Variants in TAFA5 observed in about 807,000 individuals in gnomAD.
TAFA5 encodes the protein TAFA chemokine like family member 5.
A neutral mutation model predicts 15.3 loss-of-function variants in TAFA5; 6 were observed. The ratio of observed to expected loss-of-function variants is 0.39; its 90% CI spans 0.21 to 0.77. TAFA5 has a LOEUF of 0.77. Ranked by LOEUF, TAFA5 falls within the 30% of genes least tolerant of loss-of-function variation. The probability of loss-of-function intolerance (pLI) is 0.41; values close to 1 mark genes in which losing one functional copy is unlikely to be tolerated. For missense variants in TAFA5, 161 were observed against 193.1 expected (o/e 0.83, Z 0.98); for synonymous variants, 103 against 80.7 (o/e 1.28, Z -1.48).
intron 1 of TAFA5, among the ~76,000 whole-genome samples, chr22:48,494,963 G>A (rs1264738177): frequency 6.6e-6 from 1 of 152,246 alleles, no homozygotes; most frequent in Non-Finnish European, 1.5e-5. Context: ...AACTAGGCGA[G>A]CGGGACTCCT....
At chr22:48,726,040 A>C (rs147965822) in intron 3 of TAFA5, among the ~76,000 whole-genome samples, 140 of 152,368 alleles carry the variant, frequency 9.2e-4, no homozygotes, top group African/African-American at 3.3e-3. Flanking sequence ...TTAAGAAAAT[A>C]GAAAGACAAG....
At chr22:48,542,907 T>C (rs2147121432) in intron 1 of TAFA5, among the ~76,000 whole-genome samples, 1 of 150,702 alleles carries the variant, frequency 6.6e-6, no homozygotes, top group Admixed American at 6.6e-5. Flanking sequence ...GTGGTGTGTA[T>C]AGTGATATGT....
rs765368811 is a variant in TAFA5, at chr22:48,749,812, C to T, written c.391-27C>T. On this transcript the variant is annotated intron_variant, in intron 3 of 3. Transcript: ENST00000402357. ...CCCTGGGCAGCGTCTGCAGGAGGCT[C>T]ACCCTCTCTCTCTCTTTGCTCCTCA... The T allele has an allele frequency of 3.5e-5, 55 of 1,560,538 alleles. No homozygotes were observed. The South Asian group carries it at 6.3e-4, about 18-fold the overall frequency.
chr22:48,519,784 G>A (rs1459734574), intron 1 of TAFA5, among the ~76,000 whole-genome samples: 3 of 152,108 alleles, frequency 2.0e-5, no homozygotes, highest in Admixed American at 1.3e-4. Flanking sequence ...AGCAGGTCCC[G>A]TACCTCTTGC....
chr22:48,644,481 C>T (rs1395981897), intron 1 of TAFA5, among the ~76,000 whole-genome samples: 1 of 152,212 alleles, frequency 6.6e-6, no homozygotes, highest in African/African-American at 2.4e-5. Context: ...GGTCTGGTGC[C>T]CACTAGAGTC....
chr22:48,492,587 C>T (rs1292343371), intron 1 of TAFA5, among the ~76,000 whole-genome samples: 2 of 152,128 alleles, frequency 1.3e-5, no homozygotes, highest in Admixed American at 1.3e-4. Context: ...ACCTGCAGTC[C>T]ACCAATTAGG....
intron 3 of TAFA5, among the ~76,000 whole-genome samples, chr22:48,721,833 G>A (rs982666581): frequency 9.2e-5 from 14 of 152,144 alleles, no homozygotes; most frequent in Non-Finnish European, 1.9e-4. Flanking sequence ...GCCAAGCGTG[G>A]TGGCACGCAC....
At position 48,725,568 on chromosome 22, in the gene TAFA5, G is replaced by T. The variant is rs151086774; in HGVS notation, c.390+17724G>T. ...CCTGGAACGAAGGCAGACATCCAAG[G>T]GTTTTCTGAATGAAATAGAAGATGG... is the stretch of plus-strand genomic sequence containing the variant. On this transcript the variant is annotated intron_variant, in intron 3 of 3. Coordinates refer to ENST00000402357, the MANE Select transcript of TAFA5 (RefSeq NM_001082967.3). Among the ~76,000 whole-genome samples, 14 of 152,156 alleles carry T rather than the reference G, an allele frequency of 9.2e-5. No homozygotes were observed. The South Asian group carries it at 2.9e-3, about 32-fold the overall frequency.
At chr22:48,662,592 C>T (rs12159542) in intron 2 of TAFA5, among the ~76,000 whole-genome samples, 3 of 152,284 alleles carry the variant, frequency 2.0e-5, no homozygotes, top group African/African-American at 7.2e-5. Context: ...GCTCTGTGTC[C>T]ACCCCAGGAG....
In TAFA5 at chr22:48,700,661, G is replaced by C. The variant is rs571206056; in HGVS notation, c.263-7056G>C. The stretch of plus-strand genomic sequence containing the variant: ...CGTGGATGTGCATGTTTGCCTGTGG[G>C]CACCTGTGTGCACGCACTCCAGGGG... On this transcript the variant is annotated intron_variant, in intron 2 of 3. Transcript: ENST00000402357. 1.5e-4 allele frequency among the ~76,000 whole-genome samples: 23 copies of C among 152,160 alleles called. 1 individual carries two copies. Among genetic ancestry groups the C allele is most frequent in the Non-Finnish European group, 2.8e-4 (19 of 68,028 alleles).
At position 48,505,979 on chromosome 22, in the gene TAFA5, G is replaced by A. The variant is rs143235601; in HGVS notation, c.112+16275G>A. 5.0e-3 allele frequency among the ~76,000 whole-genome samples: 767 copies of A among 152,304 alleles called. 3 individuals carry two copies. Among genetic ancestry groups the A allele is most frequent in the African/African-American group, 0.017 (720 of 41,562 alleles). On this transcript the variant is annotated intron_variant, in intron 1 of 3. Coordinates refer to ENST00000402357, the MANE Select transcript of TAFA5 (RefSeq NM_001082967.3). ...CTCTAATGGGACAGGACATTCCAGGGTCTCAGAACTCACTCCCAGGAGCCA... is the reference window on the plus strand; with the variant it reads ...CTCTAATGGGACAGGACATTCCAGGATCTCAGAACTCACTCCCAGGAGCCA...
At chr22:48,618,886 C>A (rs949587827) in intron 1 of TAFA5, among the ~76,000 whole-genome samples, 2 of 152,192 alleles carry the variant, frequency 1.3e-5, no homozygotes, top group African/African-American at 4.8e-5. Context: ...AGGCCCCCCT[C>A]GCCTGCACAG....
At chr22:48,707,567 C>T (rs544968595) in intron 2 of TAFA5, 150 bp from the exon 3 acceptor site, 13 of 846,220 alleles carry the variant, frequency 1.5e-5, no homozygotes, top group East Asian at 5.4e-5. Context: ...CCCCTGGGCC[C>T]AGTGTCCCTG....
rs145090521 is a variant in TAFA5 at position 48,594,219 on chromosome 22, G to A, written c.113-52378G>A. 3.9e-4 allele frequency among the ~76,000 whole-genome samples: 59 copies of A among 152,322 alleles called. 1 individual carries two copies. The East Asian group carries it at 0.01, about 26-fold the overall frequency. On this transcript the variant is annotated intron_variant, in intron 1 of 3. Coordinates refer to ENST00000402357, the MANE Select transcript of TAFA5 (RefSeq NM_001082967.3). Reference sequence around the variant, plus strand: ...TGGAACTGCCCGGCGTTGGGGTGCAGGCGAGACCCAGCGAGGCTCGAGGAC... The same window carrying A: ...TGGAACTGCCCGGCGTTGGGGTGCAAGCGAGACCCAGCGAGGCTCGAGGAC...
At chr22:48,582,645 TACCACACAC>T (rs1924107841) in intron 1 of TAFA5, among the ~76,000 whole-genome samples, 1 of 77,108 alleles carries the variant, frequency 1.3e-5, no homozygotes, top group Admixed American at 1.3e-4. Context: ...ACACAAAATA[TACCACACAC>T]ACCACACACA....
intron 1 of TAFA5, among the ~76,000 whole-genome samples, chr22:48,610,435 C>T (rs914169552): frequency 6.6e-6 from 1 of 152,250 alleles, no homozygotes; most frequent in Non-Finnish European, 1.5e-5. Context: ...ACGAAAGGTA[C>T]ACTGAGGAAG....
chr22:48,647,604 G>T (rs1926912224), intron 2 of TAFA5, among the ~76,000 whole-genome samples: 1 of 152,172 alleles, frequency 6.6e-6, no homozygotes, highest in African/African-American at 2.4e-5. Flanking sequence ...ACCAGCCAAA[G>T]GTCACAGGTG....
At chr22:48,704,107 C>G (rs5771729) in intron 2 of TAFA5, among the ~76,000 whole-genome samples, 48,673 of 151,922 alleles carry the variant, frequency 0.32, 8,444 homozygotes, top group African/African-American at 0.45. Context: ...GGATGGGAGC[C>G]CACGTGGGGA....
At chr22:48,625,910 A>G (rs1026887831) in intron 1 of TAFA5, among the ~76,000 whole-genome samples, 8 of 152,150 alleles carry the variant, frequency 5.3e-5, no homozygotes, top group African/African-American at 1.7e-4. Context: ...CTGTAGTTTT[A>G]TCTTTTCCAG....
Sources: gnomAD v4.1 joint callset for allele counts (sites outside exome capture counted in the v4.1 genomes callset) on GRCh38, gnomAD v4.1.1 for gene constraint, MANE v1.5 for transcripts, NCBI Gene and HGNC (gene_info 2026-07-23, HGNC 2026-07-21) for gene names.